Variants in DPP6 observed in about 807,000 individuals in gnomAD.
DPP6 encodes the protein A-type potassium channel modulatory protein DPP6.
A neutral mutation model predicts 122.6 loss-of-function variants in DPP6; 69 were observed. The ratio of observed to expected loss-of-function variants is 0.56; its 90% CI spans 0.46 to 0.69. The LOEUF is 0.69. Among genes scored for constraint, DPP6 ranks in the 30% least tolerant of loss-of-function variants. The pLI is 0.00. For missense variants in DPP6, 928 were observed against 1,116.9 expected (o/e 0.83, Z 2.41); for synonymous variants, 418 against 433.1 (o/e 0.97, Z 0.43).
chr7:154,582,208 G>A (rs1204930272), intron 5 of DPP6, among the ~76,000 whole-genome samples: 1 of 152,206 alleles, frequency 6.6e-6, no homozygotes, highest in African/African-American at 2.4e-5. Context: ...AGTGATCCTG[G>A]CAAAACCCTG....
intron 1 of DPP6, among the ~76,000 whole-genome samples, chr7:153,982,996 G>A (rs575294368): frequency 6.6e-6 from 1 of 152,346 alleles, no homozygotes; most frequent in South Asian, 2.1e-4. Flanking sequence ...CTGCTGGGAG[G>A]TGTCTCCCCG....
chr7:154,887,825 C>G, intron 23 of DPP6, 91 bp downstream of exon 23: 3 of 1,425,634 alleles, frequency 2.1e-6, no homozygotes, highest in Non-Finnish European at 2.0e-6. Context: ...CCCACTCTGC[C>G]TTCCCCAGCC....
chr7:153,856,133 C>T, the DPP6 span, among the ~76,000 whole-genome samples: 1 of 152,134 alleles, frequency 6.6e-6, no homozygotes, highest in African/African-American at 2.4e-5. Flanking sequence ...AAATGAGGCA[C>T]CTCACTGAAG....
intron 7 of DPP6, among the ~76,000 whole-genome samples, chr7:154,671,220 A>G (rs1838531395): frequency 6.6e-6 from 1 of 150,948 alleles, no homozygotes; most frequent in Non-Finnish European, 1.5e-5. Context: ...GATTTTCAAT[A>G]TCCATCAAAT....
chr7:154,663,868 C>T (rs112755614), intron 6 of DPP6, among the ~76,000 whole-genome samples: 3,016 of 105,402 alleles, frequency 0.029, 9 homozygotes, highest in Middle Eastern at 0.046. Context: ...ATCACCATGG[C>T]GTATTGGCCG....
In DPP6 at chr7:154,727,842, A is replaced by G. The variant is rs1391639080; in HGVS notation, c.838A>G (p.Lys280Glu). The G allele has an allele frequency of 6.2e-7, 1 of 1,613,918 alleles. No individual in the cohort carries two copies. Among genetic ancestry groups the G allele is most frequent in the Non-Finnish European group, 8.5e-7 (1 of 1,179,814 alleles). ...GGCCATCCGTGTGGTCTCCACTGGCAAGGAAGGTGTGATTTACAATGGCCT... is the reference window on the plus strand; with the variant it reads ...GGCCATCCGTGTGGTCTCCACTGGCGAGGAAGGTGTGATTTACAATGGCCT... ...KQAIRVVSTG[K>E]EGVIYNGLSD... The change falls in exon 8 of 26, where the codon AAG becomes GAG. Residue 280 changes from lysine to glutamate, a missense_variant. Transcript: ENST00000377770.
intron 1 of DPP6, among the ~76,000 whole-genome samples, chr7:154,016,242 A>G (rs1585180364): frequency 6.6e-6 from 1 of 152,214 alleles, no homozygotes; most frequent in South Asian, 2.1e-4. Flanking sequence ...CTATCAAGAC[A>G]TTGAACAAGG....
intron 1 of DPP6, among the ~76,000 whole-genome samples, chr7:154,061,703 G>A (rs1455075924): frequency 1.1e-5 from 1 of 87,556 alleles, no homozygotes; most frequent in Admixed American, 1.1e-4. Flanking sequence ...TCGCAGGGGG[G>A]GAGGCAATCC....
intron 16 of DPP6, among the ~76,000 whole-genome samples, chr7:154,816,591 G>T (rs1243933836): frequency 7.8e-6 from 1 of 127,758 alleles, no homozygotes; most frequent in Non-Finnish European, 1.7e-5. Flanking sequence ...TACATAGTGA[G>T]TGTTTAATAA....
chr7:154,112,254 C>T (rs1466356131), intron 1 of DPP6, among the ~76,000 whole-genome samples: 1 of 151,896 alleles, frequency 6.6e-6, no homozygotes, highest in Non-Finnish European at 1.5e-5. Flanking sequence ...AAAGAGAGAT[C>T]AGATATCTAC....
the DPP6 span, among the ~76,000 whole-genome samples, chr7:153,808,193 G>T: frequency 4.5e-5 from 6 of 133,324 alleles, no homozygotes; most frequent in Non-Finnish European, 9.7e-5. Flanking sequence ...CACTGTGTGT[G>T]TGTGTGCCTG....
chr7:153,799,115 T>C, the DPP6 span, among the ~76,000 whole-genome samples: 1 of 152,212 alleles, frequency 6.6e-6, no homozygotes, highest in Non-Finnish European at 1.5e-5. Context: ...CAAGGACCCC[T>C]GCTTTAGGGC....
chr7:154,345,691 A>G (rs1269667976), intron 1 of DPP6, among the ~76,000 whole-genome samples: 1 of 152,030 alleles, frequency 6.6e-6, no homozygotes, highest in Non-Finnish European at 1.5e-5. Flanking sequence ...GAGGTCAGCT[A>G]TGCTTCCCAT....
At chr7:154,157,809 T>C (rs1389090298) in intron 1 of DPP6, among the ~76,000 whole-genome samples, 1 of 151,992 alleles carries the variant, frequency 6.6e-6, no homozygotes, top group Non-Finnish European at 1.5e-5. Context: ...GGCACATGCC[T>C]GTAATCCCAA....
intron 16 of DPP6, among the ~76,000 whole-genome samples, chr7:154,832,675 G>A (rs1305429106): frequency 6.6e-6 from 1 of 152,252 alleles, no homozygotes; most frequent in African/African-American, 2.4e-5. Context: ...CCTGTGCACA[G>A]GGAAACACCA....
chr7:153,788,780 A>T, the DPP6 span, among the ~76,000 whole-genome samples: 1 of 152,128 alleles, frequency 6.6e-6, no homozygotes, highest in South Asian at 2.1e-4. Context: ...CCTGACCAAT[A>T]TGGTGAAACC....
intron 1 of DPP6, among the ~76,000 whole-genome samples, chr7:154,292,011 G>A (rs765754867): frequency 1.3e-4 from 20 of 152,156 alleles, no homozygotes; most frequent in Non-Finnish European, 2.8e-4. Context: ...GAAAGCAGAT[G>A]AGGAGAGGAA....
intron 1 of DPP6, among the ~76,000 whole-genome samples, chr7:154,053,303 G>A (rs1446651201): frequency 6.6e-6 from 1 of 152,044 alleles, no homozygotes; most frequent in African/African-American, 2.4e-5. Context: ...AGAGAGCGGG[G>A]TTTGGGTACT....
intron 1 of DPP6, among the ~76,000 whole-genome samples, chr7:154,389,109 G>A (rs933889849): frequency 6.6e-6 from 1 of 152,102 alleles, no homozygotes; most frequent in African/African-American, 2.4e-5. Context: ...GAAAGTTCAC[G>A]GCTCCCTCAC....
Sources: gnomAD v4.1 joint callset for allele counts (sites outside exome capture counted in the v4.1 genomes callset) on GRCh38, gnomAD v4.1.1 for gene constraint, MANE v1.5 for transcripts, NCBI Gene and HGNC (gene_info 2026-07-23, HGNC 2026-07-21) for gene names.